Variants in PPP1R12A observed in about 807,000 individuals in gnomAD.
PPP1R12A encodes myosin binding subunit.
PPP1R12A carries 19 observed loss-of-function variants against 139.6 expected under a neutral mutation model. The observed-to-expected ratio is 0.14, with a 90% CI of 0.09 to 0.20. PPP1R12A has a LOEUF of 0.20. Among genes scored for constraint, PPP1R12A ranks in the 10% least tolerant of loss-of-function variants. The pLI, the probability that PPP1R12A is intolerant of heterozygous loss-of-function variation, is 1.00. For missense variants in PPP1R12A, 925 were observed against 1,211.5 expected (o/e 0.76, Z 3.51); for synonymous variants, 427 against 420.6 (o/e 1.02, Z -0.19).
At chr12:79,922,912 A>T (rs183225192) in intron 1 of PPP1R12A, among the ~76,000 whole-genome samples, 19 of 151,822 alleles carry the variant, frequency 1.3e-4, no homozygotes, top group Non-Finnish European at 8.8e-5. Context: ...TTTGAGCAAA[A>T]CATAAGATTG....
At chr12:79,901,486 T>G (rs1885637970) in intron 1 of PPP1R12A, among the ~76,000 whole-genome samples, 2 of 152,048 alleles carry the variant, frequency 1.3e-5, no homozygotes, top group African/African-American at 4.8e-5. Context: ...GCAACTTAAC[T>G]TGGTCCTTGT....
intron 3 of PPP1R12A, among the ~76,000 whole-genome samples, chr12:79,841,671 G>A (rs1025465009): frequency 1.4e-4 from 21 of 152,236 alleles, no homozygotes; most frequent in Non-Finnish European, 2.2e-4. Context: ...ATAAAAAATA[G>A]GAGCCTTAAA....
At chr12:79,785,537 T>C (rs537435884) in intron 22 of PPP1R12A, among the ~76,000 whole-genome samples, 1 of 152,138 alleles carries the variant, frequency 6.6e-6, no homozygotes, top group Non-Finnish European at 1.5e-5. Context: ...CTGGATATGC[T>C]GTTTTTAGAT....
At chr12:79,821,702 G>C (rs1371741933) in intron 6 of PPP1R12A, among the ~76,000 whole-genome samples, 2 of 150,802 alleles carry the variant, frequency 1.3e-5, no homozygotes, top group African/African-American at 2.4e-5. Flanking sequence ...GCAGTGAGTT[G>C]AGATCGCGCC....
intron 2 of PPP1R12A, among the ~76,000 whole-genome samples, chr12:79,872,507 C>A (rs1051654452): frequency 6.6e-6 from 1 of 151,948 alleles, no homozygotes; most frequent in Non-Finnish European, 1.5e-5. Context: ...TAAGTATTAA[C>A]CCTCAATCAT....
rs1170836417 is a variant in PPP1R12A at position 79,934,995 on chromosome 12, G to A, written c.-64C>T. 2.7e-6 allele frequency: 4 copies of A among 1,509,048 alleles called. No homozygotes were observed. Among genetic ancestry groups the A allele is most frequent in the East Asian group, 2.5e-5 (1 of 40,648 alleles). The allele number at this position is 1,509,048 out of a possible 1,614,324, so 93.5% of individuals were successfully genotyped here. ...GGAAGGGGGAGGCGGAGAGGGAAGA[G>A]AGGGGAGGCAGGGGGTGTGTGAATG... On this transcript the variant is annotated 5_prime_UTR_variant, in exon 1 of 25. Coordinates refer to ENST00000450142, the MANE Select transcript of PPP1R12A (RefSeq NM_002480.3).
At chr12:79,780,748 T>C (rs2136970189) in intron 23 of PPP1R12A, 1 of 152,278 alleles carries the variant, frequency 6.6e-6, no homozygotes, top group South Asian at 2.1e-4. Context: ...GATATAATAA[T>C]ATTAAATTTA....
At chr12:79,917,785 T>C (rs1394273956) in intron 1 of PPP1R12A, among the ~76,000 whole-genome samples, 1 of 152,190 alleles carries the variant, frequency 6.6e-6, no homozygotes, top group Non-Finnish European at 1.5e-5. Flanking sequence ...TTTACCTTTA[T>C]TTTCCCTGAA....
At chr12:79,786,618 G>A (rs1407472826) in intron 21 of PPP1R12A, 140 bp from the exon 22 acceptor site, 1 of 540,944 alleles carries the variant, frequency 1.8e-6, no homozygotes, top group Admixed American at 4.2e-5. Context: ...AATCCTTCAT[G>A]GTTGCAAAGC....
At chr12:79,810,745 A>C (rs1874423976) in intron 9 of PPP1R12A, among the ~76,000 whole-genome samples, 1 of 152,200 alleles carries the variant, frequency 6.6e-6, no homozygotes, top group Admixed American at 6.5e-5. Flanking sequence ...AGGCATACAG[A>C]GTAGATAATA....
intron 19 of PPP1R12A, 162 bp downstream of exon 19, chr12:79,793,701 C>T (rs1031505547): frequency 2.7e-5 from 15 of 546,922 alleles, no homozygotes; most frequent in South Asian, 2.7e-4. Context: ...CCTTCCCAGT[C>T]CTTTTAATCC....
chr12:79,812,382 C>CTGTGTGCGTGTGTGTGTGTGTGTGTGTG (rs370114772), intron 9 of PPP1R12A, among the ~76,000 whole-genome samples: 3 of 112,880 alleles, frequency 2.7e-5, no homozygotes, highest in Non-Finnish European at 4.9e-5. Flanking sequence ...TTGACTGACT[C>CTGTGTGCGTGTGTGTGTGTGTGTGTGTG]TGTGTGTGCG....
At chr12:79,857,137 G>T (rs994206461) in intron 2 of PPP1R12A, among the ~76,000 whole-genome samples, 4 of 152,126 alleles carry the variant, frequency 2.6e-5, no homozygotes, top group African/African-American at 9.7e-5. Context: ...GCACACGTAT[G>T]TTTATTGCGG....
At chr12:79,909,942 C>T (rs568771018) in intron 1 of PPP1R12A, among the ~76,000 whole-genome samples, 2 of 151,770 alleles carry the variant, frequency 1.3e-5, no homozygotes, top group Admixed American at 6.6e-5. Context: ...TCCGGTGATC[C>T]GCCCGCCTTA....
chr12:79,898,608 T>C (rs932657673), intron 1 of PPP1R12A, among the ~76,000 whole-genome samples: 24 of 152,296 alleles, frequency 1.6e-4, no homozygotes, highest in Admixed American at 7.2e-4. Flanking sequence ...AACGAAGAAA[T>C]AGTCTACCAC....
At chr12:79,792,157 C>T (rs1158628533) in intron 19 of PPP1R12A, among the ~76,000 whole-genome samples, 1 of 152,122 alleles carries the variant, frequency 6.6e-6, no homozygotes, top group Non-Finnish European at 1.5e-5. Context: ...CACATAATAT[C>T]TATGTGAATA....
At chr12:79,932,776 T>C (rs1888348140) in intron 1 of PPP1R12A, among the ~76,000 whole-genome samples, 1 of 152,232 alleles carries the variant, frequency 6.6e-6, no homozygotes, top group Admixed American at 6.5e-5. Context: ...ATGTATTTTC[T>C]CTTCCTCCCT....
chr12:79,928,367 C>T (rs1179636665), intron 1 of PPP1R12A, among the ~76,000 whole-genome samples: 2 of 152,184 alleles, frequency 1.3e-5, no homozygotes, highest in Admixed American at 1.3e-4. Context: ...TGGTGCCCTA[C>T]CAGCACACCC....
rs1882014309 is a variant in PPP1R12A at position 79,866,793 on chromosome 12, G to A, written c.368+6015C>T. Among the ~76,000 whole-genome samples, 3 of 152,178 alleles carry A rather than the reference G, an allele frequency of 2.0e-5. No homozygotes were observed. The South Asian group carries it at 6.2e-4, about 32-fold the overall frequency. On this transcript the variant is annotated intron_variant, in intron 2 of 24. Coordinates refer to ENST00000450142, the MANE Select transcript of PPP1R12A (RefSeq NM_002480.3). ...GATACCATCTCACGCCAGTTAGAAT[G>A]GCGATCATTAAAAAGTTAGGAAACA...
Sources: allele counts gnomAD v4.1 joint callset (sites outside exome capture counted in the v4.1 genomes callset), GRCh38; gene constraint gnomAD v4.1.1; transcripts MANE v1.5; gene names NCBI Gene and HGNC (gene_info 2026-07-23, HGNC 2026-07-21).